MOSMO: variants seen among roughly 807,000 people sequenced by gnomAD.
MOSMO encodes the protein modulator of smoothened.
A neutral mutation model predicts 18.4 loss-of-function variants in MOSMO; 5 were observed. The ratio of observed to expected loss-of-function variants is 0.27; its 90% CI spans 0.14 to 0.57. The LOEUF is 0.57. MOSMO is among the 20% of genes least tolerant of loss of function. The pLI is 0.92. For synonymous variants in MOSMO, 82 were observed against 82.3 expected, an observed-to-expected ratio of 1.00 and a Z score of 0.02; for missense variants, 138 against 211.8, an observed-to-expected ratio of 0.65 and a Z score of 2.16.
downstream of MOSMO, among the ~76,000 whole-genome samples, chr16:22,090,994 G>A (rs963382146): frequency 5.9e-5 from 9 of 151,996 alleles, no homozygotes; most frequent in Admixed American, 3.3e-4. Flanking sequence ...AGCAAAGAAA[G>A]GTGTGAGGGT....
At chr16:22,013,811 G>C (rs1899581466) in intron 1 of MOSMO, among the ~76,000 whole-genome samples, 1 of 150,544 alleles carries the variant, frequency 6.6e-6, no homozygotes, top group African/African-American at 2.5e-5. Context: ...GTTAAGGTTA[G>C]TGTATTCATT....
At chr16:22,029,073 T>C (rs993472527) in intron 1 of MOSMO, among the ~76,000 whole-genome samples, 12 of 152,104 alleles carry the variant, frequency 7.9e-5, no homozygotes, top group Non-Finnish European at 1.6e-4. Context: ...GGGTTCACCA[T>C]GTTGGCCAGG....
Position 22,083,770 on chromosome 16 carries a change from C to T in MOSMO, c.*2890C>T. On this transcript the variant is annotated 3_prime_UTR_variant, in exon 3 of 3. Transcript: ENST00000542527. ...TTTGCACAAGACTGAATTAGTTTGA[C>T]ATTTTTGGAAGCTCCTATTGAACAT... 1 of 428,666 alleles carries T rather than the reference C, an allele frequency of 2.3e-6. No individual in the cohort carries two copies. The highest frequency in any genetic ancestry group is 1.7e-5 in the South Asian group (1 of 59,176). 26.6% of individuals were successfully genotyped at this position (428,666 alleles called of 1,614,324 possible).
chr16:22,024,487 C>T (rs1899835294), intron 1 of MOSMO, among the ~76,000 whole-genome samples: 1 of 151,900 alleles, frequency 6.6e-6, no homozygotes, highest in African/African-American at 2.4e-5. Context: ...GCCTCAGCCT[C>T]CTGAGTAGCT....
At chr16:22,059,361 C>G (rs1371421663) in intron 1 of MOSMO, among the ~76,000 whole-genome samples, 2 of 152,108 alleles carry the variant, frequency 1.3e-5, no homozygotes, top group African/African-American at 4.8e-5. Flanking sequence ...GGGCATCTCT[C>G]AGAGACAGCT....
At chr16:22,035,609 G>A (rs952444855) in intron 1 of MOSMO, among the ~76,000 whole-genome samples, 4 of 151,974 alleles carry the variant, frequency 2.6e-5, no homozygotes, top group African/African-American at 9.7e-5. Context: ...TGAGGTTTCC[G>A]CACCTATAAC....
chr16:22,085,393 T>C (rs529877655), downstream of MOSMO: 5 of 152,296 alleles, frequency 3.3e-5, no homozygotes, highest in East Asian at 9.6e-4. Context: ...CCCTACCCTA[T>C]CTTCACATCA....
At chr16:22,041,367 C>T (rs1460882394) in intron 1 of MOSMO, among the ~76,000 whole-genome samples, 1 of 152,214 alleles carries the variant, frequency 6.6e-6, no homozygotes, top group East Asian at 1.9e-4. Context: ...TTTTAATATG[C>T]ACAAGAATAA....
chr16:22,068,874 G>A (rs1392717880), intron 1 of MOSMO, among the ~76,000 whole-genome samples: 1 of 152,148 alleles, frequency 6.6e-6, no homozygotes, highest in African/African-American at 2.4e-5. Context: ...CCAACCCCAA[G>A]TTGGTGCACT....
At chr16:22,068,475 G>A (rs1405826123) in intron 1 of MOSMO, among the ~76,000 whole-genome samples, 2 of 152,164 alleles carry the variant, frequency 1.3e-5, no homozygotes, top group African/African-American at 4.8e-5. Context: ...TATCACCAAT[G>A]TCTAATTCCA....
At chr16:22,035,496 C>A (rs982118996) in intron 1 of MOSMO, among the ~76,000 whole-genome samples, 3 of 151,608 alleles carry the variant, frequency 2.0e-5, no homozygotes, top group African/African-American at 7.3e-5. Flanking sequence ...CAAGCCTGGG[C>A]CCCTCTGGAA....
Position 22,075,875 on chromosome 16 carries a change from A to G in MOSMO, c.319+176A>G. On this transcript the variant is annotated intron_variant, in intron 2 of 2. Coordinates refer to ENST00000542527, the MANE Select transcript of MOSMO (RefSeq NM_001164579.2). ...ATCATTTCTTCAAAACTCTTTCTGC[A>G]AGACCAGGACATCCACAACTTTAAT... is the stretch of plus-strand genomic sequence containing the variant. The G allele has an allele frequency of 5.4e-6, 3 of 554,502 alleles. No individual in the cohort carries two copies. In the South Asian group the frequency reaches 6.2e-5, roughly 12 times the overall value. The allele number at this position is 554,502 out of a possible 1,614,324, so 34.3% of individuals were successfully genotyped here. A position where few individuals can be genotyped will look rare whatever the true frequency, so the allele number is the denominator to read the frequency against.
chr16:22,046,280 G>T (rs1307084867), intron 1 of MOSMO, among the ~76,000 whole-genome samples: 1 of 152,056 alleles, frequency 6.6e-6, no homozygotes, highest in Non-Finnish European at 1.5e-5. Context: ...TAATACAGTC[G>T]ATTCTCATGT....
chr16:22,008,988 A>G (rs1899457556), intron 1 of MOSMO, among the ~76,000 whole-genome samples: 2 of 151,984 alleles, frequency 1.3e-5, no homozygotes, highest in African/African-American at 4.8e-5. Flanking sequence ...TGACCCCACC[A>G]GGCAGGGTGA....
intron 1 of MOSMO, among the ~76,000 whole-genome samples, chr16:22,052,951 CT>C (rs1198266671): frequency 4.1e-3 from 514 of 124,122 alleles, no homozygotes; most frequent in Non-Finnish European, 6.0e-3. Flanking sequence ...CTCTCATCTT[CT>C]TTTTTTTTTT....
intron 1 of MOSMO, among the ~76,000 whole-genome samples, chr16:22,072,753 C>T (rs35938861): frequency 0.12 from 17,312 of 149,926 alleles, 1,289 homozygotes; most frequent in South Asian, 0.28. Flanking sequence ...CGGAGCTTGC[C>T]GTGATATCGC....
chr16:22,008,310 A>G lies in MOSMO; in HGVS notation c.9A>G (p.Lys3=). 3.9e-6 allele frequency: 6 copies of G among 1,528,282 alleles called. No individual in the cohort carries two copies. The highest frequency in any genetic ancestry group is 1.2e-5 in the South Asian group (1 of 83,552). 94.7% of individuals were successfully genotyped at this position (1,528,282 alleles called of 1,614,324 possible). A position where few individuals can be genotyped will look rare whatever the true frequency, so the allele number is the denominator to read the frequency against. The change falls in exon 1 of 3, where the codon AAA becomes AAG. Residue 3 remains lysine, a synonymous_variant. Transcript: ENST00000542527. ...GGGAGCGGGGCGGGGAGATGGATAA[A>G]CTGACCATCATCTCAGGATGTCTCT... MD[K]LTIISGCLFL...
At chr16:22,032,826 G>A (rs1025925829) in intron 1 of MOSMO, among the ~76,000 whole-genome samples, 5 of 152,148 alleles carry the variant, frequency 3.3e-5, no homozygotes, top group African/African-American at 9.7e-5. Flanking sequence ...GGCATTACAG[G>A]TGTGAGCCAC....
chr16:22,055,207 A>G (rs1345040563), intron 1 of MOSMO, among the ~76,000 whole-genome samples: 1 of 152,124 alleles, frequency 6.6e-6, no homozygotes, highest in Non-Finnish European at 1.5e-5. Flanking sequence ...ACTGGGTAGC[A>G]TGGCATCCGC....
Sources: gnomAD v4.1 joint callset for allele counts (sites outside exome capture counted in the v4.1 genomes callset) on GRCh38, gnomAD v4.1.1 for gene constraint, MANE v1.5 for transcripts, NCBI Gene and HGNC (gene_info 2026-07-23, HGNC 2026-07-21) for gene names.